KIAA1217: variants seen among roughly 807,000 people sequenced by gnomAD.
KIAA1217 encodes the protein sickle tail protein homolog.
In KIAA1217, 88 loss-of-function variants were observed where a neutral mutation model predicts 163.9. The observed-to-expected ratio is 0.54, with a 90% confidence interval of 0.45 to 0.64. KIAA1217 has a LOEUF of 0.64. KIAA1217 is among the 30% of genes least tolerant of loss of function. KIAA1217 has a pLI of 0.00. For synonymous variants in KIAA1217, 903 were observed against 923.1 expected, an observed-to-expected ratio of 0.98 and a Z score of 0.39; for missense variants, 2,372 against 2,475.0, an observed-to-expected ratio of 0.96 and a Z score of 0.88.
At chr10:24,198,328 G>A (rs936237501) in intron 2 of KIAA1217, among the ~76,000 whole-genome samples, 10 of 152,168 alleles carry the variant, frequency 6.6e-5, no homozygotes, top group African/African-American at 2.4e-4. Context: ...TGGGATACTG[G>A]GTGGGCGTGG....
chr10:24,204,180 T>C (rs956665425), upstream of KIAA1217, among the ~76,000 whole-genome samples: 2 of 152,142 alleles, frequency 1.3e-5, no homozygotes, highest in Non-Finnish European at 2.9e-5. Flanking sequence ...GATTTGAGTG[T>C]TGGTGGGTGG....
intron 3 of KIAA1217, among the ~76,000 whole-genome samples, chr10:24,416,413 A>G (rs2058253747): frequency 6.6e-6 from 1 of 152,212 alleles, no homozygotes; most frequent in African/African-American, 2.4e-5. Flanking sequence ...GAATGCCAAA[A>G]GGCAGAGAAG....
chr10:24,327,375 G>C (rs1254963249), intron 2 of KIAA1217, among the ~76,000 whole-genome samples: 1 of 152,172 alleles, frequency 6.6e-6, no homozygotes, highest in Non-Finnish European at 1.5e-5. Context: ...TGTTTTTGCT[G>C]TTTTATTAAT....
intron 2 of KIAA1217, among the ~76,000 whole-genome samples, chr10:24,314,950 A>T (rs2043168629): frequency 1.3e-5 from 2 of 152,028 alleles, no homozygotes; most frequent in African/African-American, 4.8e-5. Flanking sequence ...TCGAAAAAAA[A>T]ATAATAATAA....
At chr10:23,998,551 G>A (rs1404624161) in intron 1 of KIAA1217, among the ~76,000 whole-genome samples, 1 of 152,256 alleles carries the variant, frequency 6.6e-6, no homozygotes, top group African/African-American at 2.4e-5. Context: ...ACAGCCAGAG[G>A]ACACTGTGTA....
At chr10:24,187,965 AG>A (rs2066522414) in intron 2 of KIAA1217, among the ~76,000 whole-genome samples, 1 of 152,222 alleles carries the variant, frequency 6.6e-6, no homozygotes, top group Non-Finnish European at 1.5e-5. Context: ...TGGGAGGCCA[AG>A]GCAGGCAGAT....
chr10:23,754,715 G>C (rs1300727047), intron 1 of KIAA1217, among the ~76,000 whole-genome samples: 1 of 152,026 alleles, frequency 6.6e-6, no homozygotes, highest in Middle Eastern at 3.2e-3. Context: ...TGGGACCCTT[G>C]AATCCTGACA....
intron 1 of KIAA1217, among the ~76,000 whole-genome samples, chr10:24,212,753 A>T (rs557683253): frequency 6.6e-6 from 1 of 152,164 alleles, no homozygotes; most frequent in South Asian, 2.1e-4. Flanking sequence ...CTGCCTGTGT[A>T]TCTGTTTTAC....
chr10:24,031,285 T>C (rs1294793714), intron 2 of KIAA1217, among the ~76,000 whole-genome samples: 1 of 152,146 alleles, frequency 6.6e-6, no homozygotes, highest in African/African-American at 2.4e-5. Flanking sequence ...CTCTAATGAT[T>C]AGTGACGCTG....
At chr10:24,110,884 G>A (rs11013899) in intron 2 of KIAA1217, among the ~76,000 whole-genome samples, 15,145 of 152,206 alleles carry the variant, frequency 0.1, 820 homozygotes, top group Middle Eastern at 0.2. Context: ...TAATTTGATA[G>A]CCAACCACCA....
chr10:24,235,443 C>T (rs2072099748), intron 2 of KIAA1217, among the ~76,000 whole-genome samples: 2 of 152,170 alleles, frequency 1.3e-5, no homozygotes, highest in Non-Finnish European at 2.9e-5. Context: ...TCCAAGCATT[C>T]TTATCTTTTG....
intron 13 of KIAA1217, among the ~76,000 whole-genome samples, chr10:24,526,357 AT>A (rs1436272117): frequency 6.6e-6 from 1 of 152,188 alleles, no homozygotes; most frequent in Non-Finnish European, 1.5e-5. Context: ...CAGAAATGTG[AT>A]TGACAGAGTG....
intron 2 of KIAA1217, among the ~76,000 whole-genome samples, chr10:24,192,491 G>A (rs554605492): frequency 1.1e-4 from 17 of 152,282 alleles, no homozygotes; most frequent in African/African-American, 2.9e-4. Flanking sequence ...CAATCATTGC[G>A]ACCTTGTTTT....
chr10:24,139,731 T>C (rs2131828996), intron 2 of KIAA1217, among the ~76,000 whole-genome samples: 2 of 152,320 alleles, frequency 1.3e-5, no homozygotes, highest in East Asian at 3.9e-4. Flanking sequence ...GATCATCTGA[T>C]TTAATATATA....
intron 1 of KIAA1217, among the ~76,000 whole-genome samples, chr10:23,734,772 C>T (rs1355527410): frequency 6.6e-6 from 1 of 152,060 alleles, no homozygotes; most frequent in African/African-American, 2.4e-5. Flanking sequence ...TCATATTTAT[C>T]ATGATAAATT....
chr10:24,345,969 G>A (rs1028380984), intron 2 of KIAA1217, among the ~76,000 whole-genome samples: 2 of 151,816 alleles, frequency 1.3e-5, no homozygotes, highest in Non-Finnish European at 2.9e-5. Flanking sequence ...CTCCATCCCC[G>A]CCATCCTCCC....
At chr10:23,831,213 T>C (rs567450981) in intron 1 of KIAA1217, among the ~76,000 whole-genome samples, 8 of 151,744 alleles carry the variant, frequency 5.3e-5, no homozygotes, top group African/African-American at 1.9e-4. Context: ...ATTTTGTGGA[T>C]ATGAACCCCA....
At chr10:24,201,785 G>A (rs189764038) in intron 2 of KIAA1217, among the ~76,000 whole-genome samples, 1 of 152,308 alleles carries the variant, frequency 6.6e-6, no homozygotes, top group Admixed American at 6.5e-5. Context: ...TGAAGCACGT[G>A]ACTGGCTTTC....
intron 2 of KIAA1217, among the ~76,000 whole-genome samples, chr10:24,010,174 G>C (rs1334527325): frequency 6.6e-6 from 1 of 151,510 alleles, no homozygotes; most frequent in South Asian, 2.1e-4. Flanking sequence ...TGGACTGTAT[G>C]AACGCTTTTT....
Sources: gnomAD v4.1 joint callset for allele counts (sites outside exome capture counted in the v4.1 genomes callset) on GRCh38, gnomAD v4.1.1 for gene constraint, MANE v1.5 for transcripts, NCBI Gene and HGNC (gene_info 2026-07-23, HGNC 2026-07-21) for gene names.